The following EBF2 variants were observed in gnomAD, a reference collection of about 807,000 sequenced individuals.
The protein encoded by EBF2 is EBF transcription factor 2, also known as transcription factor COE2.
A neutral mutation model predicts 72.8 loss-of-function variants in EBF2; 21 were observed. The observed-to-expected ratio is 0.29, with a 90% CI of 0.20 to 0.42. The LOEUF (loss-of-function observed/expected upper bound fraction) is 0.42, where lower values mean the gene tolerates loss of function less well. Ranked by LOEUF, EBF2 falls within the 10% of genes least tolerant of loss-of-function variation. The probability of loss-of-function intolerance (pLI) is 1.00; values close to 1 mark genes in which losing one functional copy is unlikely to be tolerated. For synonymous variants in EBF2, 299 were observed against 274.2 expected, an observed-to-expected ratio of 1.09 and a Z score of -0.89; for missense variants, 637 against 731.2, an observed-to-expected ratio of 0.87 and a Z score of 1.49.
At chr8:25,888,008 T>G (rs1436211557) in intron 8 of EBF2, 36 bp from the exon 9 acceptor site, 2 of 1,562,644 alleles carry the variant, frequency 1.3e-6, no homozygotes, top group Admixed American at 1.9e-5. Flanking sequence ...AGGTTTGTTC[T>G]TTCATGGGTG....
intron 6 of EBF2, among the ~76,000 whole-genome samples, chr8:25,960,444 C>T (rs146759288): frequency 1.8e-4 from 27 of 152,316 alleles, no homozygotes; most frequent in African/African-American, 6.0e-4. Flanking sequence ...GGAAAACAAC[C>T]TTTATGTACA....
chr8:26,032,020 C>T (rs1330207822), intron 6 of EBF2: 1 of 152,216 alleles, frequency 6.6e-6, no homozygotes, highest in Admixed American at 6.5e-5. Context: ...TCATCCTCTT[C>T]AAGCATCTCA....
At chr8:25,880,076 G>C (rs184960162) in intron 10 of EBF2, among the ~76,000 whole-genome samples, 6 of 152,018 alleles carry the variant, frequency 3.9e-5, no homozygotes, top group African/African-American at 7.2e-5. Context: ...GATACCTAAC[G>C]TTCTCCTCTT....
chr8:25,858,529 G>T, intron 13 of EBF2, 25 bp from the exon 14 acceptor site: 2 of 1,606,526 alleles, frequency 1.2e-6, no homozygotes, highest in African/African-American at 1.3e-5. Context: ...AAAAGCCCAG[G>T]TAAATCAACA....
chr8:25,936,657 C>G (rs1229918039), intron 6 of EBF2, among the ~76,000 whole-genome samples: 1 of 152,086 alleles, frequency 6.6e-6, no homozygotes, highest in East Asian at 1.9e-4. Flanking sequence ...GATCTCTGTT[C>G]TCTTTCTTAG....
intron 6 of EBF2, among the ~76,000 whole-genome samples, chr8:25,935,522 C>A (rs771326054): frequency 6.6e-6 from 1 of 152,174 alleles, no homozygotes; most frequent in Non-Finnish European, 1.5e-5. Flanking sequence ...AAAGCCCTTG[C>A]GCGTGGGTCA....
At chr8:25,940,794 G>T (rs577378880) in intron 6 of EBF2, among the ~76,000 whole-genome samples, 41 of 152,162 alleles carry the variant, frequency 2.7e-4, no homozygotes, top group African/African-American at 9.4e-4. Flanking sequence ...ATGCAAGAAT[G>T]ATTTCATTCA....
chr8:25,893,596 T>C (rs911737627), intron 7 of EBF2, among the ~76,000 whole-genome samples: 4 of 152,136 alleles, frequency 2.6e-5, no homozygotes, highest in African/African-American at 9.7e-5. Flanking sequence ...TAATTCTTAA[T>C]GAGCTGTCCT....
chr8:25,954,090 TAATC>T (rs1419339596), intron 6 of EBF2, among the ~76,000 whole-genome samples: 2 of 152,214 alleles, frequency 1.3e-5, no homozygotes, highest in African/African-American at 4.8e-5. Flanking sequence ...GTAGAATAAA[TAATC>T]TATCATGCTA....
chr8:25,935,975 G>A (rs570170800), intron 6 of EBF2, among the ~76,000 whole-genome samples: 1 of 152,330 alleles, frequency 6.6e-6, no homozygotes, highest in Non-Finnish European at 1.5e-5. Context: ...GCTGTGGAAG[G>A]GTGGTAACGT....
intron 6 of EBF2, among the ~76,000 whole-genome samples, chr8:25,945,670 T>C (rs1803757598): frequency 1.3e-5 from 2 of 151,666 alleles, no homozygotes; most frequent in East Asian, 1.9e-4. Context: ...TTTCTGATAA[T>C]GCAATCCTTT....
chr8:25,991,228 G>A (rs12543463), intron 6 of EBF2, among the ~76,000 whole-genome samples: 43,310 of 152,132 alleles, frequency 0.28, 7,322 homozygotes, highest in Admixed American at 0.4. Context: ...TTAATTCATG[G>A]GGAGAGGGAG....
intron 10 of EBF2, among the ~76,000 whole-genome samples, chr8:25,869,358 C>CT (rs895960379): frequency 1.3e-5 from 2 of 152,102 alleles, no homozygotes; most frequent in African/African-American, 4.8e-5. Context: ...TTGTTGGTGT[C>CT]TCCCCCATCA....
At chr8:26,026,364 C>G (rs1403420976) in intron 6 of EBF2, among the ~76,000 whole-genome samples, 31 of 152,138 alleles carry the variant, frequency 2.0e-4, no homozygotes, top group Non-Finnish European at 4.4e-5. Context: ...CAGCAAGAAT[C>G]AGAGAAAGTA....
intron 6 of EBF2, among the ~76,000 whole-genome samples, chr8:25,945,432 C>T (rs985398598): frequency 2.0e-5 from 3 of 151,922 alleles, no homozygotes; most frequent in South Asian, 2.1e-4. Context: ...ATATTTTTTT[C>T]TCTGGCTCTT....
intron 15 of EBF2, 118 bp downstream of exon 15, chr8:25,850,476 A>G (rs2117247019): frequency 2.4e-6 from 3 of 1,259,712 alleles, no homozygotes; most frequent in Non-Finnish European, 3.2e-6. Context: ...CCATGATAAG[A>G]ACAGCAAAGC....
At chr8:25,860,615 C>T (rs1224699927) in intron 13 of EBF2, among the ~76,000 whole-genome samples, 1 of 151,970 alleles carries the variant, frequency 6.6e-6, no homozygotes, top group African/African-American at 2.4e-5. Flanking sequence ...GCAGCCTCGA[C>T]TTCCCAGGCT....
chr8:26,001,594 G>T (rs1240315406), intron 6 of EBF2, among the ~76,000 whole-genome samples: 1 of 151,754 alleles, frequency 6.6e-6, no homozygotes, highest in African/African-American at 2.4e-5. Context: ...CTTGTCCCCA[G>T]GCTGGAGTGC....
chr8:25,979,649 T>C (rs1365313068), intron 6 of EBF2, among the ~76,000 whole-genome samples: 2 of 152,080 alleles, frequency 1.3e-5, no homozygotes, highest in African/African-American at 4.8e-5. Flanking sequence ...CTTCTCAACT[T>C]CTCTGTACAA....
Sources: allele counts gnomAD v4.1 joint callset (sites outside exome capture counted in the v4.1 genomes callset), GRCh38; gene constraint gnomAD v4.1.1; transcripts MANE v1.5; gene names NCBI Gene and HGNC (gene_info 2026-07-23, HGNC 2026-07-21).